Variants in LHFPL2 observed in about 807,000 individuals in gnomAD.
LHFPL2 encodes the protein LHFPL tetraspan subfamily member 2, also known as LHFPL tetraspan subfamily member 2 protein.
LHFPL2 carries 7 observed loss-of-function variants against 17.5 expected under a neutral mutation model. The observed-to-expected ratio is 0.40, with a 90% CI of 0.23 to 0.75. LHFPL2 has a LOEUF of 0.75. Ranked by LOEUF, LHFPL2 falls within the 30% of genes least tolerant of loss-of-function variation. The pLI is 0.37. For synonymous variants in LHFPL2, 134 were observed against 116.2 expected (o/e 1.15, Z -0.99); for missense variants, 241 against 294.8 (o/e 0.82, Z 1.34).
intron 3 of LHFPL2, among the ~76,000 whole-genome samples, chr5:78,563,616 G>A (rs1002869794): frequency 3.3e-5 from 5 of 151,016 alleles, no homozygotes; most frequent in South Asian, 2.1e-4. Context: ...CAGGAGAATC[G>A]CTTGAACCCA....
At chr5:78,579,165 C>CA (rs1742968669) in intron 2 of LHFPL2, among the ~76,000 whole-genome samples, 1 of 152,112 alleles carries the variant, frequency 6.6e-6, no homozygotes, top group Non-Finnish European at 1.5e-5. Flanking sequence ...ACATGACCTA[C>CA]AATAAGGTGA....
At chr5:78,561,723 T>C (rs1756732741) in intron 3 of LHFPL2, among the ~76,000 whole-genome samples, 1 of 152,226 alleles carries the variant, frequency 6.6e-6, no homozygotes. Flanking sequence ...GCTAGTTCTG[T>C]ATGCCCCAGT....
At chr5:78,559,747 AC>A (rs1464257776) in intron 3 of LHFPL2, among the ~76,000 whole-genome samples, 3 of 152,140 alleles carry the variant, frequency 2.0e-5, no homozygotes, top group African/African-American at 7.2e-5. Context: ...TGCTTCCTAT[AC>A]CTATTGACTG....
chr5:78,586,870 ATTC>A (rs1743427978), intron 2 of LHFPL2, among the ~76,000 whole-genome samples: 1 of 152,226 alleles, frequency 6.6e-6, no homozygotes, highest in Admixed American at 6.5e-5. Flanking sequence ...AAACTAGAAT[ATTC>A]TTTTTATATA....
At chr5:78,604,904 A>C (rs1744158026) in intron 2 of LHFPL2, among the ~76,000 whole-genome samples, 1 of 152,254 alleles carries the variant, frequency 6.6e-6, no homozygotes, top group Non-Finnish European at 1.5e-5. Context: ...GCACTAAAGC[A>C]CTAGGATTAA....
chr5:78,601,349 G>A (rs1464618483), intron 2 of LHFPL2, among the ~76,000 whole-genome samples: 1 of 152,112 alleles, frequency 6.6e-6, no homozygotes, highest in African/African-American at 2.4e-5. Flanking sequence ...GAGAAGGCAG[G>A]TCCCAGAGCA....
intron 2 of LHFPL2, among the ~76,000 whole-genome samples, chr5:78,596,167 C>G (rs952400657): frequency 4.6e-5 from 7 of 152,286 alleles, no homozygotes; most frequent in South Asian, 2.1e-4. Context: ...TTATTTTCCT[C>G]CTTCACAATA....
chr5:78,542,440 G>A (rs1756141631), intron 3 of LHFPL2, among the ~76,000 whole-genome samples: 1 of 152,168 alleles, frequency 6.6e-6, no homozygotes, highest in Non-Finnish European at 1.5e-5. Flanking sequence ...TCACCCTAGT[G>A]GGCTTCTCCA....
intron 2 of LHFPL2, among the ~76,000 whole-genome samples, chr5:78,578,772 T>C (rs994627605): frequency 3.9e-5 from 6 of 152,222 alleles, no homozygotes; most frequent in Admixed American, 2.0e-4. Context: ...ATCATCTATG[T>C]ACAAGGTTTT....
intron 4 of LHFPL2, among the ~76,000 whole-genome samples, chr5:78,503,755 CT>C (rs1754846915): frequency 6.6e-6 from 1 of 152,120 alleles, no homozygotes; most frequent in African/African-American, 2.4e-5. Context: ...TTAATACCTG[CT>C]TGGTCCACTT....
At position 78,547,678 on chromosome 5, in the gene LHFPL2, T is replaced by C. The variant is rs553474238; in HGVS notation, c.-186+17135A>G. The stretch of plus-strand genomic sequence containing the variant: ...ATATTAACAGGGACAAAAAAAAAAT[T>C]GAGAAATTCAGAGGAGGGGATCAGG... On this transcript the variant is annotated intron_variant, in intron 3 of 4. Transcript: ENST00000380345. 2.0e-5 allele frequency among the ~76,000 whole-genome samples: 3 copies of C among 151,320 alleles called. No individual in the cohort carries two copies. In the East Asian group the frequency reaches 5.8e-4, roughly 29 times the overall value.
chr5:78,601,247 T>TA (rs1744000944), intron 2 of LHFPL2, among the ~76,000 whole-genome samples: 1 of 152,318 alleles, frequency 6.6e-6, no homozygotes. Context: ...TCTGTGAGGA[T>TA]AAAGTAACAG....
At chr5:78,581,829 G>C (rs377021940) in intron 2 of LHFPL2, among the ~76,000 whole-genome samples, 20 of 150,692 alleles carry the variant, frequency 1.3e-4, no homozygotes, top group Admixed American at 5.3e-4. Flanking sequence ...AGGATTCCCT[G>C]TTTTTCTATT....
chr5:78,493,398 T>C (rs1440825163), intron 4 of LHFPL2, among the ~76,000 whole-genome samples: 2 of 152,204 alleles, frequency 1.3e-5, no homozygotes, highest in Non-Finnish European at 2.9e-5. Flanking sequence ...CTGTCAGTAG[T>C]TGATAATGTT....
intron 2 of LHFPL2, among the ~76,000 whole-genome samples, chr5:78,571,087 T>C (rs1756987999): frequency 6.6e-6 from 1 of 152,168 alleles, no homozygotes; most frequent in South Asian, 2.1e-4. Context: ...CCTTCTCGCA[T>C]CTTTCCTTTT....
At chr5:78,606,429 T>C (rs1340556222) in intron 2 of LHFPL2, among the ~76,000 whole-genome samples, 1 of 152,190 alleles carries the variant, frequency 6.6e-6, no homozygotes. Context: ...AGTTCCCTAG[T>C]GGCTCAAAAA....
At chr5:78,606,228 A>G (rs1236888737) in intron 2 of LHFPL2, among the ~76,000 whole-genome samples, 2 of 152,308 alleles carry the variant, frequency 1.3e-5, no homozygotes, top group South Asian at 2.1e-4. Flanking sequence ...GGGCCTCTAT[A>G]TTTGAAATTT....
In LHFPL2 at chr5:78,604,718, T is replaced by A. The variant is rs116298082; in HGVS notation, c.-245+27546A>T. Among the ~76,000 whole-genome samples, 1,162 of 152,314 alleles carry A rather than the reference T, an allele frequency of 7.6e-3. 12 individuals carry two copies. The highest frequency in any genetic ancestry group is 0.025 in the African/African-American group (1,025 of 41,566). On this transcript the variant is annotated intron_variant, in intron 2 of 4. Coordinates refer to ENST00000380345, the MANE Select transcript of LHFPL2 (RefSeq NM_005779.3). Reference sequence around the variant, plus strand: ...TTAATTTTTGTTATTACTGTACCTGTCTGCACTGTAGCTTCTTGACGGCTG... The same window carrying A: ...TTAATTTTTGTTATTACTGTACCTGACTGCACTGTAGCTTCTTGACGGCTG...
chr5:78,608,619 C>T (rs1173634717), intron 2 of LHFPL2, among the ~76,000 whole-genome samples: 3 of 150,114 alleles, frequency 2.0e-5, no homozygotes, highest in Admixed American at 6.6e-5. Flanking sequence ...TAAAAACTCT[C>T]AGGTATTTAG....
Sources: gnomAD v4.1 joint callset for allele counts (sites outside exome capture counted in the v4.1 genomes callset) on GRCh38, gnomAD v4.1.1 for gene constraint, MANE v1.5 for transcripts, NCBI Gene and HGNC (gene_info 2026-07-23, HGNC 2026-07-21) for gene names.